The following C15orf61 variants were observed in gnomAD, a reference collection of about 807,000 sequenced individuals.
The protein encoded by C15orf61 is chromosome 15 open reading frame 61, also known as uncharacterized protein C15orf61.
C15orf61 carries 12 observed loss-of-function variants against 13.7 expected under a neutral mutation model. That is an observed-to-expected ratio of 0.88 (90% CI 0.56 to 1.42). The LOEUF (loss-of-function observed/expected upper bound fraction) is 1.42, where lower values mean the gene tolerates loss of function less well. C15orf61 is among the 40% of genes most tolerant of loss of function. The pLI is 0.00. For synonymous variants in C15orf61, 92 were observed against 94.1 expected (o/e 0.98, Z 0.13); for missense variants, 248 against 213.2 (o/e 1.16, Z -1.02).
Position 67,526,416 on chromosome 15 carries a change from A to C in C15orf61, c.347-2A>C. On this transcript the variant is annotated splice_acceptor_variant, in intron 1 of 1. Transcript: ENST00000342683. LOFTEE classifies it high-confidence loss of function. ...GTTTATACATATTCGTTTGTTTTCT[A>C]GGTATTCCAACTTTATTATATGGAC... 3.3e-6 allele frequency: 5 copies of C among 1,515,190 alleles called. No homozygotes were observed. Among genetic ancestry groups the C allele is most frequent in the Non-Finnish European group, 4.5e-6 (5 of 1,117,958 alleles). The allele number at this position is 1,515,190 out of a possible 1,614,324, so 93.9% of individuals were successfully genotyped here. A position where few individuals can be genotyped will look rare whatever the true frequency, so the allele number is the denominator to read the frequency against.
At position 67,528,391 on chromosome 15, in the gene C15orf61, G is replaced by C. The variant is rs1266204389; in HGVS notation, c.*1846G>C. The C allele has an allele frequency of 6.6e-6, 1 of 152,126 alleles. No homozygotes were observed. Among genetic ancestry groups the C allele is most frequent in the Non-Finnish European group, 1.5e-5 (1 of 68,028 alleles). 9.4% of individuals were successfully genotyped at this position (152,126 alleles called of 1,614,324 possible). On this transcript the variant is annotated 3_prime_UTR_variant, in exon 2 of 2. Transcript: ENST00000342683. Reference sequence around the variant, plus strand: ...GCATTAAACAGGGCCTTGATTTCTTGTCTGATGTGCTCACTGTATAACAAG... The same window carrying C: ...GCATTAAACAGGGCCTTGATTTCTTCTCTGATGTGCTCACTGTATAACAAG...
In C15orf61 at chr15:67,528,558, A is replaced by G. The variant is rs1284553088; in HGVS notation, c.*2013A>G. On this transcript the variant is annotated 3_prime_UTR_variant, in exon 2 of 2. Transcript: ENST00000342683. Reference sequence around the variant, plus strand: ...TAAATATCATTCATTGGATTTATTAAGTCTTGTAAACTTGTAGTCTGAAAA... The same window carrying G: ...TAAATATCATTCATTGGATTTATTAGGTCTTGTAAACTTGTAGTCTGAAAA... 1 of 152,258 alleles carries G rather than the reference A, an allele frequency of 6.6e-6. No individual in the cohort carries two copies. Among genetic ancestry groups the G allele is most frequent in the Non-Finnish European group, 1.5e-5 (1 of 68,034 alleles). The allele number at this position is 152,258 out of a possible 1,614,324, so 9.4% of individuals were successfully genotyped here. A position where few individuals can be genotyped will look rare whatever the true frequency, so the allele number is the denominator to read the frequency against.
At position 67,527,683 on chromosome 15, in the gene C15orf61, A is replaced by C. The variant is rs2084206420; in HGVS notation, c.*1138A>C. 1 of 152,182 alleles carries C rather than the reference A, an allele frequency of 6.6e-6. No individual in the cohort carries two copies. Among genetic ancestry groups the C allele is most frequent in the African/African-American group, 2.4e-5 (1 of 41,458 alleles). 9.4% of individuals were successfully genotyped at this position (152,182 alleles called of 1,614,324 possible). A position where few individuals can be genotyped will look rare whatever the true frequency, so the allele number is the denominator to read the frequency against. On this transcript the variant is annotated 3_prime_UTR_variant, in exon 2 of 2. Coordinates refer to ENST00000342683, the MANE Select transcript of C15orf61 (RefSeq NM_001143936.2). ...TATAAAATTCAACATTTGGATGCTT[A>C]TGTCAAGTCAGTAGAGAAAGTGAGT...
In C15orf61 at chr15:67,524,645, C is replaced by T. The variant is rs549627626; in HGVS notation, c.347-1773C>T. Among the ~76,000 whole-genome samples the T allele has an allele frequency of 9.3e-4, 142 of 152,212 alleles. 1 individual carries two copies. Among genetic ancestry groups the T allele is most frequent in the African/African-American group, 2.7e-3 (111 of 41,520 alleles). ...ATTTTTTTCCCCTTCTCATTACCAG[C>T]TAGTGATGTGATGCTTCTCCTGATT... On this transcript the variant is annotated intron_variant, in intron 1 of 1. Coordinates refer to ENST00000342683, the MANE Select transcript of C15orf61 (RefSeq NM_001143936.2).
At chr15:67,524,970 G>A (rs1025308962) in intron 1 of C15orf61, among the ~76,000 whole-genome samples, 1 of 151,534 alleles carries the variant, frequency 6.6e-6, no homozygotes, top group Non-Finnish European at 1.5e-5. Context: ...CTGAGTGGCT[G>A]GGATTATAGG....
intron 1 of C15orf61, chr15:67,521,919 C>G (rs773980915): frequency 7.4e-6 from 5 of 676,148 alleles, no homozygotes; most frequent in Admixed American, 2.2e-5. Flanking sequence ...AGGAAACGCC[C>G]CCTAGAAAGT....
Position 67,528,051 on chromosome 15 carries a change from A to G in C15orf61, c.*1506A>G, listed in dbSNP as rs1008766996. Reference sequence around the variant, plus strand: ...GGGCAAAGTTAAATAACTATAGCTCATAAGTTTTAAGTCAAATACTGCTCA... The same window carrying G: ...GGGCAAAGTTAAATAACTATAGCTCGTAAGTTTTAAGTCAAATACTGCTCA... On this transcript the variant is annotated 3_prime_UTR_variant, in exon 2 of 2. Transcript: ENST00000342683. 1.3e-5 allele frequency: 2 copies of G among 152,262 alleles called. No homozygotes were observed. The highest frequency in any genetic ancestry group is 1.9e-4 in the East Asian group (1 of 5,206). The allele number at this position is 152,262 out of a possible 1,614,324, so 9.4% of individuals were successfully genotyped here. A position where few individuals can be genotyped will look rare whatever the true frequency, so the allele number is the denominator to read the frequency against.
Position 67,521,154 on chromosome 15 carries a change from G to C in C15orf61, c.-95G>C. 2.4e-6 allele frequency: 2 copies of C among 844,264 alleles called. No homozygotes were observed. The highest frequency in any genetic ancestry group is 6.0e-5 in the East Asian group (1 of 16,632). 52.3% of individuals were successfully genotyped at this position (844,264 alleles called of 1,614,324 possible). On this transcript the variant is annotated 5_prime_UTR_variant, in exon 1 of 2. Transcript: ENST00000342683. ...GCACACCGGGGGCTCTCGGGCACCC[G>C]CGCGGCGCCGGTTGGCCTTCCCGGC...
chr15:67,521,597 G>A lies in C15orf61; in HGVS notation c.346+3G>A. 1 of 1,517,474 alleles carries A rather than the reference G, an allele frequency of 6.6e-7. No homozygotes were observed. The highest frequency in any genetic ancestry group is 8.9e-7 in the Non-Finnish European group (1 of 1,125,034). The allele number at this position is 1,517,474 out of a possible 1,614,324, so 94.0% of individuals were successfully genotyped here. ...GGCGCTCAAGGTCGTCAACCTCGGT[G>A]AGTGGCGACTGCCGCGCCCACGCGG... is the stretch of plus-strand genomic sequence containing the variant. On this transcript the variant is annotated splice_donor_region_variant and intron_variant, in intron 1 of 1. Coordinates refer to ENST00000342683, the MANE Select transcript of C15orf61 (RefSeq NM_001143936.2).
At chr15:67,523,916 A>G (rs2084184381) in intron 1 of C15orf61, among the ~76,000 whole-genome samples, 2 of 152,226 alleles carry the variant, frequency 1.3e-5, no homozygotes, top group African/African-American at 4.8e-5. Flanking sequence ...CTCCTGTCAA[A>G]CAGCATCACT....
intron 1 of C15orf61, among the ~76,000 whole-genome samples, chr15:67,524,321 T>C (rs561522351): frequency 6.6e-6 from 1 of 152,312 alleles, no homozygotes; most frequent in East Asian, 1.9e-4. Context: ...CTCCCTATAC[T>C]TCACTCTCAT....
Position 67,527,762 on chromosome 15 carries a change from G to A in C15orf61, c.*1217G>A, listed in dbSNP as rs1325478145. On this transcript the variant is annotated 3_prime_UTR_variant, in exon 2 of 2. Transcript: ENST00000342683. ...TAATGAAGTAATACAAACTAGCTTC[G>A]TTAAAGGTAGTCATTTTAAATGATC... 1.3e-5 allele frequency: 2 copies of A among 152,170 alleles called. No individual in the cohort carries two copies. Among genetic ancestry groups the A allele is most frequent in the Non-Finnish European group, 2.9e-5 (2 of 68,018 alleles). The allele number at this position is 152,170 out of a possible 1,614,324, so 9.4% of individuals were successfully genotyped here. A position where few individuals can be genotyped will look rare whatever the true frequency, so the allele number is the denominator to read the frequency against.
chr15:67,524,024 G>A (rs2084184937), intron 1 of C15orf61, among the ~76,000 whole-genome samples: 1 of 151,882 alleles, frequency 6.6e-6, no homozygotes, highest in Admixed American at 6.5e-5. Context: ...TATATTGACC[G>A]TTTATTTCTG....
At position 67,525,228 on chromosome 15, in the gene C15orf61, A is replaced by C. The variant is rs1205191842; in HGVS notation, c.347-1190A>C. ...CTGCCCATTTCCCACATAAGAGCAT[A>C]AAATTAATGCTTGTCCAGAGCATAC... On this transcript the variant is annotated intron_variant, in intron 1 of 1. Transcript: ENST00000342683. This position sits in a 1 kb window ranked among gnomAD's most constrained non-coding sequence, Gnocchi z 4.9. 6.6e-6 allele frequency among the ~76,000 whole-genome samples: 1 copy of C among 152,262 alleles called. No homozygotes were observed. Among genetic ancestry groups the C allele is most frequent in the Non-Finnish European group, 1.5e-5 (1 of 68,044 alleles).
rs2084213647 is a variant in C15orf61 at position 67,528,941 on chromosome 15, G to A, written c.*2396G>A. On this transcript the variant is annotated 3_prime_UTR_variant, in exon 2 of 2. Transcript: ENST00000342683. Reference sequence around the variant, plus strand: ...AAAATTTCAAAAATAAGGTGATGGAGAAAGAAGGAGAGATGCATTGATAGC... The same window carrying A: ...AAAATTTCAAAAATAAGGTGATGGAAAAAGAAGGAGAGATGCATTGATAGC... 1 of 152,168 alleles carries A rather than the reference G, an allele frequency of 6.6e-6. No homozygotes were observed. Among genetic ancestry groups the A allele is most frequent in the African/African-American group, 2.4e-5 (1 of 41,436 alleles). 9.4% of individuals were successfully genotyped at this position (152,168 alleles called of 1,614,324 possible). A position where few individuals can be genotyped will look rare whatever the true frequency, so the allele number is the denominator to read the frequency against.
rs2084207790 is a variant in C15orf61, at chr15:67,527,990, T to C, written c.*1445T>C. On this transcript the variant is annotated 3_prime_UTR_variant, in exon 2 of 2. Coordinates refer to ENST00000342683, the MANE Select transcript of C15orf61 (RefSeq NM_001143936.2). ...TAATAAAACAACTGGCTATTAGCATTTTGCAGGGAAGGCTAGAACTGATTT... is the reference window on the plus strand; with the variant it reads ...TAATAAAACAACTGGCTATTAGCATCTTGCAGGGAAGGCTAGAACTGATTT... 6 of 152,346 alleles carry C rather than the reference T, an allele frequency of 3.9e-5. No homozygotes were observed. In the South Asian group the frequency reaches 1.2e-3, roughly 32 times the overall value. 9.4% of individuals were successfully genotyped at this position (152,346 alleles called of 1,614,324 possible).
intron 1 of C15orf61, chr15:67,521,870 G>C: frequency 1.6e-6 from 1 of 635,506 alleles, no homozygotes; most frequent in Non-Finnish European, 2.8e-6. Flanking sequence ...ATGTTAACCA[G>C]AGTAGACCCC....
chr15:67,523,964 A>G (rs947617839), intron 1 of C15orf61, among the ~76,000 whole-genome samples: 8 of 152,228 alleles, frequency 5.3e-5, no homozygotes, highest in African/African-American at 1.4e-4. Context: ...AAGACATAAT[A>G]TAGTTATTAA....
chr15:67,521,502 T>C lies in C15orf61; in HGVS notation c.254T>C (p.Phe85Ser). The C allele has an allele frequency of 6.5e-7, 1 of 1,548,512 alleles. No individual in the cohort carries two copies. The highest frequency in any genetic ancestry group is 2.4e-5 in the East Asian group (1 of 40,890). The change falls in exon 1 of 2, where the codon TTC (phenylalanine) becomes TCC (serine). Residue 85 changes from phenylalanine to serine, a missense_variant. Phe to Ser is a radical substitution (Grantham distance 155). Transcript: ENST00000342683. ...ANYHVLRTGC[F>S]PFIKYHCSKA... ...TACCACGTCCTGCGCACCGGCTGCTTCCCCTTCATCAAGTACCACTGCTCC... is the reference window on the plus strand; with the variant it reads ...TACCACGTCCTGCGCACCGGCTGCTCCCCCTTCATCAAGTACCACTGCTCC...
Sources: gnomAD v4.1 joint callset for allele counts (sites outside exome capture counted in the v4.1 genomes callset) on GRCh38, gnomAD v4.1.1 for gene constraint, Gnocchi (gnomAD v3.1) non-coding constraint, MANE v1.5 for transcripts, NCBI Gene and HGNC (gene_info 2026-07-23, HGNC 2026-07-21) for gene names.